Variants in DCX observed in about 807,000 individuals in gnomAD.
The protein encoded by DCX is neuronal migration protein doublecortin.
DCX carries 4 observed loss-of-function variants against 20.9 expected under a neutral mutation model. The ratio of observed to expected loss-of-function variants is 0.19; its 90% CI spans 0.09 to 0.44. DCX has a LOEUF of 0.44. Ranked by LOEUF, DCX falls within the 20% of genes least tolerant of loss-of-function variation. The probability of loss-of-function intolerance (pLI) is 0.99; values close to 1 mark genes in which losing one functional copy is unlikely to be tolerated. For missense variants in DCX, 133 were observed against 296.9 expected (o/e 0.45, Z 4.06); for synonymous variants, 103 against 111.4 (o/e 0.92, Z 0.47).
chrX:111,372,555 A>G (rs1345052515), intron 3 of DCX, among the ~76,000 whole-genome samples: 1 of 111,748 alleles, frequency 8.9e-6, no homozygotes, highest in Non-Finnish European at 1.9e-5. Context: ...GCAGCATCAC[A>G]TGGAGCCATC....
chrX:111,337,344 A>G (rs1921827012), intron 3 of DCX, among the ~76,000 whole-genome samples: 1 of 110,953 alleles, frequency 9.0e-6, no homozygotes, highest in Non-Finnish European at 1.9e-5. Context: ...AATAAAATCA[A>G]CTCACATTAA....
At chrX:111,376,958 T>G (rs775158086) in intron 3 of DCX, among the ~76,000 whole-genome samples, 78 of 112,388 alleles carry the variant, frequency 6.9e-4, no homozygotes, top group African/African-American at 2.5e-3. Flanking sequence ...AATTTAACTG[T>G]CTGTCCTACA....
intron 6 of DCX, among the ~76,000 whole-genome samples, chrX:111,303,092 CTTT>C (rs536285244): frequency 1.0e-5 from 1 of 99,997 alleles, no homozygotes. Context: ...GGTTAAGAAA[CTTT>C]TTTTTTTTTT....
At chrX:111,311,222 G>A (rs907638156) in intron 6 of DCX, among the ~76,000 whole-genome samples, 1 of 112,024 alleles carries the variant, frequency 8.9e-6, no homozygotes, top group African/African-American at 3.2e-5. Context: ...ACAGAGTTCA[G>A]CAAATACTTC....
intron 3 of DCX, among the ~76,000 whole-genome samples, chrX:111,359,992 T>C (rs1475042242): frequency 4.5e-5 from 5 of 112,352 alleles, no homozygotes; most frequent in Non-Finnish European, 9.4e-5. Flanking sequence ...CTTCTAGGAA[T>C]CTATTTAATA....
Position 111,398,140 on chromosome X carries a change from C to T in DCX, c.705+2850G>A, listed in dbSNP as rs918680258. 8.2e-5 allele frequency among the ~76,000 whole-genome samples: 9 copies of T among 109,994 alleles called. No homozygotes were observed. The South Asian group carries it at 1.2e-3, about 15-fold the overall frequency. Reference sequence around the variant, plus strand: ...TGCCCTCAGTGACTTCCAAGTAAACCACCAGATAGAAGCCACCTGGTGGAA... The same window carrying T: ...TGCCCTCAGTGACTTCCAAGTAAACTACCAGATAGAAGCCACCTGGTGGAA... On this transcript the variant is annotated intron_variant, in intron 3 of 6. Transcript: ENST00000636035.
intron 3 of DCX, among the ~76,000 whole-genome samples, chrX:111,356,204 G>A (rs1229241834): frequency 8.9e-6 from 1 of 112,778 alleles, no homozygotes; most frequent in East Asian, 2.8e-4. Context: ...AAGGGTTGAT[G>A]GAAGGCATGC....
At chrX:111,345,612 C>T (rs895851095) in intron 3 of DCX, among the ~76,000 whole-genome samples, 4 of 111,538 alleles carry the variant, frequency 3.6e-5, no homozygotes, top group Non-Finnish European at 5.7e-5. Flanking sequence ...CAGAATAAGA[C>T]GTTTACATGG....
chrX:111,343,666 C>A (rs1922511197), intron 3 of DCX, among the ~76,000 whole-genome samples: 2 of 111,709 alleles, frequency 1.8e-5, no homozygotes, highest in African/African-American at 6.5e-5. Flanking sequence ...CCCTGATGAA[C>A]ATAGATGCAA....
At chrX:111,362,739 G>C (rs1924308620) in intron 3 of DCX, among the ~76,000 whole-genome samples, 1 of 111,100 alleles carries the variant, frequency 9.0e-6, no homozygotes, top group African/African-American at 3.3e-5. Flanking sequence ...TGAAAGTAGA[G>C]AGATGAGGAG....
Position 111,312,726 on chromosome X carries a change from G to C in DCX, c.957C>G (p.Thr319=). 1 of 1,211,452 alleles carries C rather than the reference G, an allele frequency of 8.3e-7. No individual in the cohort carries two copies. Among genetic ancestry groups the C allele is most frequent in the Non-Finnish European group, 1.1e-6 (1 of 895,374 alleles). ...TGGGGGTAGAGAGCTGGCTGCTGGA[G>C]GTTCCGTTTGCTAGCCCAAAGCAAG... ...DSGNDQDANG[T]SSSQLSTPKS... The change falls in exon 6 of 7, where the codon ACC becomes ACG. Residue 319 remains threonine (T), a synonymous_variant. Coordinates refer to ENST00000636035, the MANE Select transcript of DCX (RefSeq NM_001195553.2).
chrX:111,312,405 C>G lies in DCX; in HGVS notation c.1044+234G>C, dbSNP rs41311727. Among the ~76,000 whole-genome samples the G allele has an allele frequency of 2.4e-4, 27 of 111,340 alleles. No homozygotes were observed. The East Asian group carries it at 6.8e-3, about 28-fold the overall frequency. ...TTAGCTTTGGAGACCTTTTGGAAAC[C>G]CTTTGGAAGAAGTGCTAGAATGTAG... On this transcript the variant is annotated intron_variant, in intron 6 of 6. Transcript: ENST00000636035.
intron 4 of DCX, among the ~76,000 whole-genome samples, chrX:111,331,862 C>A (rs1033340580): frequency 1.6e-4 from 18 of 112,335 alleles, no homozygotes; most frequent in African/African-American, 5.8e-4. Flanking sequence ...AAAAACTTAA[C>A]CCCTTTGCCT....
At chrX:111,348,951 C>T (rs1302011447) in intron 3 of DCX, among the ~76,000 whole-genome samples, 1 of 111,131 alleles carries the variant, frequency 9.0e-6, no homozygotes, top group Non-Finnish European at 1.9e-5. Context: ...TGGCTCACTG[C>T]TTTCTCTCTG....
intron 6 of DCX, among the ~76,000 whole-genome samples, chrX:111,310,484 T>C (rs1474494339): frequency 1.8e-5 from 2 of 111,568 alleles, no homozygotes; most frequent in Non-Finnish European, 3.8e-5. Flanking sequence ...TATAAACAAC[T>C]AGTGAATCCC....
intron 3 of DCX, among the ~76,000 whole-genome samples, chrX:111,398,924 G>A (rs1259444323): frequency 1.8e-5 from 2 of 110,873 alleles, no homozygotes; most frequent in Non-Finnish European, 3.8e-5. Context: ...ACCATCCCGG[G>A]CAACACAGTG....
chrX:111,316,103 A>G (rs1364798376), intron 5 of DCX, among the ~76,000 whole-genome samples: 1 of 102,991 alleles, frequency 9.7e-6, no homozygotes, highest in East Asian at 2.9e-4. Context: ...AAAAAAAAAA[A>G]AAAAAAATGT....
chrX:111,408,683 AAAGAAAGAAAGG>A (rs1341067909), intron 2 of DCX, among the ~76,000 whole-genome samples: 12 of 107,494 alleles, frequency 1.1e-4, no homozygotes, highest in South Asian at 7.9e-4. Context: ...AGAAAGAAAG[AAAGAAAGAAAGG>A]AAGGAAGTCG....
intron 3 of DCX, among the ~76,000 whole-genome samples, chrX:111,394,340 G>A (rs998905412): frequency 9.0e-6 from 1 of 111,531 alleles, no homozygotes; most frequent in Non-Finnish European, 1.9e-5. Flanking sequence ...AAGTGGAATC[G>A]GAGAACTAGA....
Sources: gnomAD v4.1 joint callset for allele counts (sites outside exome capture counted in the v4.1 genomes callset) on GRCh38, gnomAD v4.1.1 for gene constraint, MANE v1.5 for transcripts, NCBI Gene and HGNC (gene_info 2026-07-23, HGNC 2026-07-21) for gene names.